The following C14orf119 variants were observed in gnomAD, a reference collection of about 807,000 sequenced individuals.
The protein encoded by C14orf119 is chromosome 14 open reading frame 119, also known as uncharacterized protein C14orf119.
C14orf119 carries 17 observed loss-of-function variants against 13.5 expected under a neutral mutation model. The ratio of observed to expected loss-of-function variants is 1.26; its 90% CI spans 0.86 to 1.88. The LOEUF (loss-of-function observed/expected upper bound fraction) is 1.88. Ranked by LOEUF, C14orf119 falls within the 40% of genes most tolerant of loss-of-function variation. C14orf119 has a pLI of 0.00. For missense variants in C14orf119, 162 were observed against 165.9 expected (o/e 0.98, Z 0.13); for synonymous variants, 61 against 61.9 (o/e 0.99, Z 0.07).
Position 23,098,751 on chromosome 14 carries a change from T to C in C14orf119, c.*670T>C, listed in dbSNP as rs1406265999. 6.0e-6 allele frequency: 1 copy of C among 165,360 alleles called. No individual in the cohort carries two copies. The highest frequency in any genetic ancestry group is 2.4e-5 in the African/African-American group (1 of 41,398). 10.2% of individuals were successfully genotyped at this position (165,360 alleles called of 1,614,324 possible). ...AGCGTGAGATCACTGTAACCTCAAATTCTAGGCTGAAGTAATCTTTCTGCC... is the reference window on the plus strand; with the variant it reads ...AGCGTGAGATCACTGTAACCTCAAACTCTAGGCTGAAGTAATCTTTCTGCC... On this transcript the variant is annotated 3_prime_UTR_variant, in exon 2 of 2. Transcript: ENST00000319074.
chr14:23,097,857 C>G lies in C14orf119; in HGVS notation c.199C>G (p.Pro67Ala), dbSNP rs774123230. 1.2e-5 allele frequency: 19 copies of G among 1,614,070 alleles called. No homozygotes were observed. The East Asian group carries it at 4.0e-4, about 34-fold the overall frequency. Residue 67 changes from proline (P) to alanine (A), a missense_variant, in exon 2 of 2, where the codon CCA (proline) becomes GCA (alanine). Pro to Ala is a conservative substitution (Grantham distance 27). Coordinates refer to ENST00000319074, the MANE Select transcript of C14orf119 (RefSeq NM_017924.4). ...AGAGGACCTGGTAGCTAAGGCAGTG[C>G]CAGAAAAATTACAACCACTGCTGGA... ...FLEDLVAKAV[P>A]EKLQPLLDSL...
intron 1 of C14orf119, among the ~76,000 whole-genome samples, 193 bp downstream of exon 1, chr14:23,095,812 TG>T (rs1469045325): frequency 6.6e-6 from 1 of 152,054 alleles, no homozygotes; most frequent in Non-Finnish European, 1.5e-5. Context: ...ACAAGCTCCG[TG>T]GGGGTGCGCA....
chr14:23,097,633 A>C, intron 1 of C14orf119, 25 bp from the exon 2 acceptor site: 1 of 1,606,142 alleles, frequency 6.2e-7, no homozygotes, highest in Non-Finnish European at 8.5e-7. Flanking sequence ...CCTGGAGAGC[A>C]TATAACAGTG....
Position 23,098,484 on chromosome 14 carries a change from A to G in C14orf119, c.*403A>G, listed in dbSNP as rs191386778. On this transcript the variant is annotated 3_prime_UTR_variant, in exon 2 of 2. Transcript: ENST00000319074. The stretch of plus-strand genomic sequence containing the variant: ...GGACAATAAAAGGTGGCGTTTTTGT[A>G]CTTTACCTGGATTCCATTGGCTGGT... 3.6e-5 allele frequency: 7 copies of G among 194,222 alleles called. No individual in the cohort carries two copies. Among genetic ancestry groups the G allele is most frequent in the African/African-American group, 9.4e-5 (4 of 42,750 alleles). The allele number at this position is 194,222 out of a possible 1,614,324, so 12.0% of individuals were successfully genotyped here. A position where few individuals can be genotyped will look rare whatever the true frequency, so the allele number is the denominator to read the frequency against.
At chr14:23,096,508 CAAAAAAAAAA>C (rs61586635) in intron 1 of C14orf119, among the ~76,000 whole-genome samples, 20,474 of 62,784 alleles carry the variant, frequency 0.33, 1,785 homozygotes, top group Middle Eastern at 0.48. Context: ...GACTCCGTCT[CAAAAAAAAAA>C]AAAAAAAAAA....
In C14orf119 at chr14:23,098,266, TA is replaced by T. The variant is rs2048402143; in HGVS notation, c.*188del. 1 of 628,470 alleles carries T rather than the reference TA, an allele frequency of 1.6e-6. No individual in the cohort carries two copies. Among genetic ancestry groups the T allele is most frequent in the African/African-American group, 1.8e-5 (1 of 54,266 alleles). 38.9% of individuals were successfully genotyped at this position (628,470 alleles called of 1,614,324 possible). A position where few individuals can be genotyped will look rare whatever the true frequency, so the allele number is the denominator to read the frequency against. ...AGCATGTCAACTGGACTCCTATTTGTAAATGTTATCAATCTAAGCAATCCAG... is the reference window on the plus strand; with the variant it reads ...AGCATGTCAACTGGACTCCTATTTGTAATGTTATCAATCTAAGCAATCCAG... On this transcript the variant is annotated 3_prime_UTR_variant, in exon 2 of 2. Transcript: ENST00000319074.
Position 23,099,461 on chromosome 14 carries a change from A to T in C14orf119, c.*1380A>T. On this transcript the variant is annotated 3_prime_UTR_variant, in exon 2 of 2. Transcript: ENST00000319074. The stretch of plus-strand genomic sequence containing the variant: ...ATGGACAGCCTTAGGTGGGTCATGG[A>T]GGGATTATGGTCTGAAGTAACCAGC... 1 of 402,392 alleles carries T rather than the reference A, an allele frequency of 2.5e-6. No individual in the cohort carries two copies. The highest frequency in any genetic ancestry group is 4.6e-6 in the Non-Finnish European group (1 of 219,238). The allele number at this position is 402,392 out of a possible 1,614,324, so 24.9% of individuals were successfully genotyped here. A position where few individuals can be genotyped will look rare whatever the true frequency, so the allele number is the denominator to read the frequency against.
At chr14:23,096,397 T>G (rs1864116716) in intron 1 of C14orf119, among the ~76,000 whole-genome samples, 1 of 151,038 alleles carries the variant, frequency 6.6e-6, no homozygotes, top group South Asian at 2.1e-4. Flanking sequence ...CGTACGCCTA[T>G]AGTCCCAGCT....
intron 1 of C14orf119, 50 bp downstream of exon 1, chr14:23,095,669 C>T (rs1051881693): frequency 1.9e-5 from 4 of 205,430 alleles, no homozygotes; most frequent in Non-Finnish European, 4.1e-5. Context: ...TCGGTGTTTG[C>T]GGATTACCTT....
chr14:23,098,407 G>T lies in C14orf119; in HGVS notation c.*326G>T, dbSNP rs749964597. The T allele has an allele frequency of 3.6e-6, 1 of 276,930 alleles. No individual in the cohort carries two copies. The highest frequency in any genetic ancestry group is 7.5e-6 in the Non-Finnish European group (1 of 133,576). The allele number at this position is 276,930 out of a possible 1,614,324, so 17.2% of individuals were successfully genotyped here. A position where few individuals can be genotyped will look rare whatever the true frequency, so the allele number is the denominator to read the frequency against. ...CTACACATTGTAACTCAAGTCCACTGCTGGCTCATGAAATGTGTAAAGTAG... is the reference window on the plus strand; with the variant it reads ...CTACACATTGTAACTCAAGTCCACTTCTGGCTCATGAAATGTGTAAAGTAG... On this transcript the variant is annotated 3_prime_UTR_variant, in exon 2 of 2. Coordinates refer to ENST00000319074, the MANE Select transcript of C14orf119 (RefSeq NM_017924.4).
chr14:23,099,452 G>A lies in C14orf119; in HGVS notation c.*1371G>A, dbSNP rs966704365. On this transcript the variant is annotated 3_prime_UTR_variant, in exon 2 of 2. Coordinates refer to ENST00000319074, the MANE Select transcript of C14orf119 (RefSeq NM_017924.4). ...CAGAGTCCCATGGACAGCCTTAGGT[G>A]GGTCATGGAGGGATTATGGTCTGAA... The A allele has an allele frequency of 9.7e-6, 4 of 413,334 alleles. No individual in the cohort carries two copies. The highest frequency in any genetic ancestry group is 1.8e-5 in the Non-Finnish European group (4 of 226,160). The allele number at this position is 413,334 out of a possible 1,614,324, so 25.6% of individuals were successfully genotyped here.
rs941477638 is a variant in C14orf119 at position 23,099,717 on chromosome 14, A to G, written c.*1636A>G. ...TGGGACTACAGGCGCACGCCGCACCACCACGTCTGGCTAAGGGGCTTTACC... is the reference window on the plus strand; with the variant it reads ...TGGGACTACAGGCGCACGCCGCACCGCCACGTCTGGCTAAGGGGCTTTACC... On this transcript the variant is annotated 3_prime_UTR_variant, in exon 2 of 2. Transcript: ENST00000319074. 6.2e-6 allele frequency: 2 copies of G among 323,636 alleles called. No individual in the cohort carries two copies. Among genetic ancestry groups the G allele is most frequent in the East Asian group, 1.0e-4 (2 of 19,802 alleles). The allele number at this position is 323,636 out of a possible 1,614,324, so 20.0% of individuals were successfully genotyped here.
chr14:23,097,155 G>A (rs533692743), intron 1 of C14orf119, among the ~76,000 whole-genome samples: 1 of 129,202 alleles, frequency 7.7e-6, no homozygotes, highest in Admixed American at 8.6e-5. Context: ...CACATTGAAG[G>A]CTCTTTCATC....
rs1471478053 is a variant in C14orf119, at chr14:23,098,852, A to C, written c.*771A>C. The C allele has an allele frequency of 6.1e-6, 1 of 163,258 alleles. No individual in the cohort carries two copies. Among genetic ancestry groups the C allele is most frequent in the Non-Finnish European group, 1.5e-5 (1 of 68,436 alleles). 10.1% of individuals were successfully genotyped at this position (163,258 alleles called of 1,614,324 possible). Reference sequence around the variant, plus strand: ...AATTTTTAAATTATTCTGTAGATACAGGGGTCATGCTACGTTTTCTAGTCT... The same window carrying C: ...AATTTTTAAATTATTCTGTAGATACCGGGGTCATGCTACGTTTTCTAGTCT... On this transcript the variant is annotated 3_prime_UTR_variant, in exon 2 of 2. Transcript: ENST00000319074.
rs1472408476 is a variant in C14orf119, at chr14:23,096,576, A to AAT, written c.-2+957_-2+958insAT. Among the ~76,000 whole-genome samples, 15 of 136,034 alleles carry AAT rather than the reference A, an allele frequency of 1.1e-4. 1 individual carries two copies. The highest frequency in any genetic ancestry group is 9.2e-4 in the South Asian group (4 of 4,326). The allele number at this position is 136,034 out of a possible 152,430, so 89.2% of individuals were successfully genotyped here. A position where few individuals can be genotyped will look rare whatever the true frequency, so the allele number is the denominator to read the frequency against. On this transcript the variant is annotated intron_variant, in intron 1 of 1. Coordinates refer to ENST00000319074, the MANE Select transcript of C14orf119 (RefSeq NM_017924.4). The stretch of plus-strand genomic sequence containing the variant: ...GATACCATACTAAAAAAAAAAAAAA[A>AAT]TTTTTTTTTTGTCACTCCACTCTGG...
rs12400 is a variant in C14orf119 at position 23,098,160 on chromosome 14, C to T, written c.*79C>T. ...CAATGATAACTCAATTCAAATGTGT[C>T]GCCTAAAGCTCTGGAACTGGTATTC... On this transcript the variant is annotated 3_prime_UTR_variant, in exon 2 of 2. Transcript: ENST00000319074. The T allele has an allele frequency of 0.2, 300,288 of 1,481,586 alleles. 30,999 individuals carry two copies. The highest frequency in any genetic ancestry group is 0.28 in the Middle Eastern group (1,132 of 3,982). 91.8% of individuals were successfully genotyped at this position (1,481,586 alleles called of 1,614,324 possible).
At chr14:23,096,574 A>T (rs2048378185) in intron 1 of C14orf119, among the ~76,000 whole-genome samples, 2 of 147,682 alleles carry the variant, frequency 1.4e-5, no homozygotes, top group African/African-American at 2.5e-5. Context: ...AAAAAAAAAA[A>T]AATTTTTTTT....
rs1297471012 is a variant in C14orf119, at chr14:23,099,502, A to G, written c.*1421A>G. On this transcript the variant is annotated 3_prime_UTR_variant, in exon 2 of 2. Coordinates refer to ENST00000319074, the MANE Select transcript of C14orf119 (RefSeq NM_017924.4). ...AGTAACCAGCAACCTAGGAACATAG[A>G]AGGTAATATTTGGCATGGAATAATG... The G allele has an allele frequency of 2.4e-6, 1 of 413,022 alleles. No homozygotes were observed. The highest frequency in any genetic ancestry group is 2.1e-5 in the African/African-American group (1 of 48,542). 25.6% of individuals were successfully genotyped at this position (413,022 alleles called of 1,614,324 possible). A position where few individuals can be genotyped will look rare whatever the true frequency, so the allele number is the denominator to read the frequency against.
chr14:23,099,090 C>A lies in C14orf119; in HGVS notation c.*1009C>A. ...ACAGGTTGAACAATTTATTTTTGTA[C>A]CAAAATAAAGAATGGATCTTTAGAA... is the stretch of plus-strand genomic sequence containing the variant. On this transcript the variant is annotated 3_prime_UTR_variant, in exon 2 of 2. Coordinates refer to ENST00000319074, the MANE Select transcript of C14orf119 (RefSeq NM_017924.4). 1 of 397,990 alleles carries A rather than the reference C, an allele frequency of 2.5e-6. No individual in the cohort carries two copies. The highest frequency in any genetic ancestry group is 4.6e-6 in the Non-Finnish European group (1 of 216,984). The allele number at this position is 397,990 out of a possible 1,614,324, so 24.7% of individuals were successfully genotyped here.
Sources: gnomAD v4.1 joint callset for allele counts (sites outside exome capture counted in the v4.1 genomes callset) on GRCh38, gnomAD v4.1.1 for gene constraint, MANE v1.5 for transcripts, NCBI Gene and HGNC (gene_info 2026-07-23, HGNC 2026-07-21) for gene names.